The following USP7 variants were observed in gnomAD, a reference collection of about 807,000 sequenced individuals.
USP7 encodes ubiquitin C-terminal hydrolase 7.
A neutral mutation model predicts 162.9 loss-of-function variants in USP7; 9 were observed. The ratio of observed to expected loss-of-function variants is 0.06; its 90% CI spans 0.03 to 0.10. USP7 has a LOEUF of 0.10. Among genes scored for constraint, USP7 ranks in the 10% least tolerant of loss-of-function variants. USP7 has a pLI of 1.00. For missense variants in USP7, 715 were observed against 1,373.7 expected, an observed-to-expected ratio of 0.52 and a Z score of 7.58; for synonymous variants, 562 against 475.9, an observed-to-expected ratio of 1.18 and a Z score of -2.35.
chr16:8,916,983 AAAAG>A, intron 7 of USP7, 39 bp downstream of exon 7: 1 of 1,513,028 alleles, frequency 6.6e-7, no homozygotes, highest in Admixed American at 2.4e-5. Flanking sequence ...AAAAAAAAAA[AAAAG>A]AGGAAGCAGA....
intron 3 of USP7, among the ~76,000 whole-genome samples, chr16:8,922,605 C>G (rs1162282219): frequency 1.3e-5 from 2 of 152,178 alleles, no homozygotes; most frequent in African/African-American, 4.8e-5. Flanking sequence ...CAGGTGCAGT[C>G]CAAGTCAGCA....
intron 1 of USP7, among the ~76,000 whole-genome samples, chr16:8,948,173 G>A (rs556519078): frequency 6.6e-5 from 10 of 152,060 alleles, no homozygotes; most frequent in African/African-American, 9.7e-5. Context: ...CCACAGTTCC[G>A]CTCCCCTGAT....
At chr16:8,899,845 G>A in intron 21 of USP7, 88 bp from the exon 22 acceptor site, 1 of 1,427,864 alleles carries the variant, frequency 7.0e-7, no homozygotes, top group East Asian at 2.3e-5. Flanking sequence ...ACACAACAGT[G>A]ACACCAACAG....
chr16:8,892,612 A>G lies in USP7; in HGVS notation c.*1386T>C, dbSNP rs1227807221. On this transcript the variant is annotated 3_prime_UTR_variant, in exon 31 of 31. Transcript: ENST00000344836. ...AATGTGACTAGTTAGAGGCTAAAAA[A>G]AAAAAAAAAAAAAAAAAGAAACAAG... 2 of 32,562 alleles carry G rather than the reference A, an allele frequency of 6.1e-5. No individual in the cohort carries two copies. Among genetic ancestry groups the G allele is most frequent in the African/African-American group, 2.2e-4 (2 of 9,174 alleles). 2.0% of individuals were successfully genotyped at this position (32,562 alleles called of 1,614,324 possible).
At chr16:8,894,464 A>T in intron 30 of USP7, 86 bp downstream of exon 30, 1 of 1,373,570 alleles carries the variant, frequency 7.3e-7, no homozygotes, top group Middle Eastern at 2.6e-4. Flanking sequence ...CTGGCACTTG[A>T]CCCTGGGGCT....
chr16:8,937,193 AGT>A (rs1898788816), intron 1 of USP7, among the ~76,000 whole-genome samples: 1 of 138,338 alleles, frequency 7.2e-6, no homozygotes, highest in South Asian at 2.5e-4. Context: ...TGGGCAACAC[AGT>A]GAGACTCTGT....
At chr16:8,907,504 T>G (rs1427286741) in intron 12 of USP7, among the ~76,000 whole-genome samples, 3 of 152,258 alleles carry the variant, frequency 2.0e-5, no homozygotes, top group Non-Finnish European at 2.9e-5. Context: ...TACTGTATTC[T>G]AAATCAGATA....
At chr16:8,931,190 CTTT>C (rs1239283546) in intron 1 of USP7, among the ~76,000 whole-genome samples, 2 of 144,556 alleles carry the variant, frequency 1.4e-5, no homozygotes, top group African/African-American at 5.0e-5. Flanking sequence ...ACACATGCAT[CTTT>C]TTTTTTTTTT....
At chr16:8,922,216 C>T (rs898341216) in intron 3 of USP7, among the ~76,000 whole-genome samples, 8 of 152,196 alleles carry the variant, frequency 5.3e-5, no homozygotes, top group South Asian at 2.1e-4. Flanking sequence ...CGGCCAGGTG[C>T]GCTGGCTCAC....
At chr16:8,938,629 A>T (rs913479541) in intron 1 of USP7, among the ~76,000 whole-genome samples, 3 of 151,796 alleles carry the variant, frequency 2.0e-5, no homozygotes. Flanking sequence ...GGAGAATGGC[A>T]TGAACCTGGG....
chr16:8,899,679 G>C lies in USP7; in HGVS notation c.2388C>G (p.Val796=), dbSNP rs755142195. Residue 796 remains valine (V), a synonymous_variant, in exon 22 of 31, where the codon GTC becomes GTG. Transcript: ENST00000344836. ...YFRDLYHRVD[V]IFCDKTIPND... The stretch of plus-strand genomic sequence containing the variant: ...TAGGGATTGTTTTATCACAGAAAAT[G>C]ACATCAACGCGGTGGTAGAGATCTC... 1 of 1,614,188 alleles carries C rather than the reference G, an allele frequency of 6.2e-7. No homozygotes were observed. Among genetic ancestry groups the C allele is most frequent in the South Asian group, 1.1e-5 (1 of 91,088 alleles).
intron 30 of USP7, 33 bp from the exon 31 acceptor site, chr16:8,894,137 C>G: frequency 6.3e-7 from 1 of 1,594,528 alleles, no homozygotes. Flanking sequence ...AGTGAGGCCA[C>G]AGAGCAGCCC....
At chr16:8,924,616 C>T (rs1272618175) in intron 2 of USP7, among the ~76,000 whole-genome samples, 1 of 152,252 alleles carries the variant, frequency 6.6e-6, no homozygotes, top group Non-Finnish European at 1.5e-5. Context: ...CCCCTGAAGG[C>T]AGTCACCATG....
At chr16:8,904,174 T>C (rs1166822671) in intron 15 of USP7, among the ~76,000 whole-genome samples, 1 of 152,210 alleles carries the variant, frequency 6.6e-6, no homozygotes, top group Non-Finnish European at 1.5e-5. Context: ...TCCCGGTTTG[T>C]GTATCAGGAA....
chr16:8,917,168 A>G lies in USP7; in HGVS notation c.721-12T>C. 6.3e-7 allele frequency: 1 copy of G among 1,580,900 alleles called. No homozygotes were observed. Among genetic ancestry groups the G allele is most frequent in the Non-Finnish European group, 8.5e-7 (1 of 1,170,562 alleles). On this transcript the variant is annotated splice_polypyrimidine_tract_variant and intron_variant, in intron 6 of 30. Coordinates refer to ENST00000344836, the MANE Select transcript of USP7 (RefSeq NM_003470.3). ...ATCATGTACACAGCCTGAAACAATT[A>G]AGAAATAAGAATTTTTACTCTGAGA...
chr16:8,905,035 G>T, intron 14 of USP7, 152 bp downstream of exon 14: 4 of 849,332 alleles, frequency 4.7e-6, no homozygotes, highest in Non-Finnish European at 7.2e-6. Context: ...GCATCGAAAC[G>T]CGCAAGCCCA....
chr16:8,942,991 G>A (rs148620530), intron 1 of USP7, among the ~76,000 whole-genome samples: 236 of 152,284 alleles, frequency 1.5e-3, no homozygotes, highest in African/African-American at 5.3e-3. Flanking sequence ...CGGGCCCTGA[G>A]GTCAGCCGAC....
At chr16:8,929,042 C>A (rs1015299995) in intron 2 of USP7, among the ~76,000 whole-genome samples, 1 of 137,198 alleles carries the variant, frequency 7.3e-6, no homozygotes, top group South Asian at 2.2e-4. Flanking sequence ...AAGACCTCCC[C>A]CCTAAAAAAA....
Position 8,904,521 on chromosome 16 carries a change from A to T in USP7, c.1618T>A (p.Leu540Met), listed in dbSNP as rs768865469. 6 of 1,614,120 alleles carry T rather than the reference A, an allele frequency of 3.7e-6. No individual in the cohort carries two copies. Among genetic ancestry groups the T allele is most frequent in the Non-Finnish European group, 5.1e-6 (6 of 1,180,012 alleles). Residue 540 changes from leucine to methionine, a missense_variant, in exon 15 of 31, where the codon TTG becomes ATG. Physicochemically the swap from Leu to Met is conservative, Grantham distance 15 (BLOSUM62 2). Around this residue, in one of 11 missense-constraint regions of USP7, gnomAD observed 197 missense variants for 306.5 expected, o/e 0.64. Transcript: ENST00000344836. ...AVTDHDIPQQ[L>M]VERLQEEKRI... ...TTCTCTTCTTGTAATCGCTCCACCA[A>T]CTGCTGAGGAATATCATGGTCGGTG... is the stretch of plus-strand genomic sequence containing the variant.
Sources: allele counts gnomAD v4.1 joint callset (sites outside exome capture counted in the v4.1 genomes callset), GRCh38; gene constraint gnomAD v4.1.1; regional missense constraint gnomAD v4.1.1; transcripts MANE v1.5; gene names NCBI Gene and HGNC (gene_info 2026-07-23, HGNC 2026-07-21).